The following UGT2B15 variants were observed in gnomAD, a reference collection of about 807,000 sequenced individuals.
The protein encoded by UGT2B15 is UDP-glucuronosyltransferase 2B15.
Under a neutral mutation model 45.9 loss-of-function variants are expected in UGT2B15, and 36 were observed. The ratio of observed to expected loss-of-function variants is 0.78; its 90% CI spans 0.60 to 1.04. The LOEUF (loss-of-function observed/expected upper bound fraction) is 1.04. Ranked by LOEUF, UGT2B15 falls within the 50% of genes least tolerant of loss-of-function variation. The pLI, the probability that UGT2B15 is intolerant of heterozygous loss-of-function variation, is 0.00. For missense variants in UGT2B15, 617 were observed against 622.4 expected, an observed-to-expected ratio of 0.99 and a Z score of 0.09; for synonymous variants, 219 against 216.4, an observed-to-expected ratio of 1.01 and a Z score of -0.11.
Position 68,668,152 on chromosome 4 carries a change from G to C in UGT2B15, c.761C>G (p.Ala254Gly). 1.2e-6 allele frequency: 2 copies of C among 1,613,560 alleles called. No individual in the cohort carries two copies. Among genetic ancestry groups the C allele is most frequent in the Non-Finnish European group, 8.5e-7 (1 of 1,179,666 alleles). The change falls in exon 2 of 6, where the codon GCT becomes GGT. Residue 254 changes from alanine to glycine, a missense_variant. Ala to Gly is a moderately conservative substitution (Grantham distance 60). Around this residue, in one of 3 missense-constraint regions of UGT2B15, gnomAD observed 351 missense variants for 342.1 expected, o/e 1.03. Coordinates refer to ENST00000338206, the MANE Select transcript of UGT2B15 (RefSeq NM_001076.4). ...ATAGGTTCGAATGAGCCACATTTCA[G>C]CTTTCCCCATTGTCTCAAATAATGT... ...PTTLFETMGK[A>G]EMWLIRTYWD...
rs752026999 is a variant in UGT2B15 at position 68,647,357 on chromosome 4, G to C, written c.1340C>G (p.Ser447Ter). The change falls in exon 6 of 6, where the codon TCA becomes TGA. Residue 447 changes from serine (S) to a stop codon, truncating the protein, a stop_gained. Transcript: ENST00000338206. LOFTEE classifies it low-confidence loss of function (END_TRUNC). ...CATTGGTTGGTCATGATGAATTCTTGATAATTTCATGACATTCTCTTTATA... is the reference window on the plus strand; with the variant it reads ...CATTGGTTGGTCATGATGAATTCTTCATAATTTCATGACATTCTCTTTATA... ...PVYKENVMKL[S>*]RIHHDQPMKP... The C allele has an allele frequency of 6.2e-7, 1 of 1,613,176 alleles. No homozygotes were observed. The highest frequency in any genetic ancestry group is 8.5e-7 in the Non-Finnish European group (1 of 1,179,558).
chr4:68,665,137 T>C (rs1376869925), intron 2 of UGT2B15, among the ~76,000 whole-genome samples: 2 of 152,188 alleles, frequency 1.3e-5, no homozygotes, highest in African/African-American at 2.4e-5. Context: ...TTTATAAAAG[T>C]ATGAAAATTT....
chr4:68,654,947 G>T, intron 4 of UGT2B15, 148 bp downstream of exon 4: 1 of 1,001,454 alleles, frequency 1.0e-6, no homozygotes, highest in Non-Finnish European at 1.5e-6. Flanking sequence ...TTTATACTAA[G>T]ACTGGAAAAT....
intron 5 of UGT2B15, among the ~76,000 whole-genome samples, chr4:68,652,873 C>T (rs1461581934): frequency 2.0e-5 from 3 of 151,782 alleles, no homozygotes; most frequent in Non-Finnish European, 2.9e-5. Context: ...AGAAATTTAT[C>T]TAAGGAAGAT....
rs1333296072 is a variant in UGT2B15 at position 68,668,185 on chromosome 4, C to G, written c.728G>C (p.Arg243Thr). ...WDQFYSEVLG[R>T]PTTLFETMGK... ...CATTGTCTCAAATAATGTAGTGGGT[C>G]TTCCTGATGGAAAAAAACAAAACAA... is the stretch of plus-strand genomic sequence containing the variant. Residue 243 changes from arginine to threonine, a missense_variant, in exon 2 of 6, where the codon AGA becomes ACA. This residue lies in a region of UGT2B15 where 351 missense variants were observed against 342.1 expected (regional missense o/e 1.03). Coordinates refer to ENST00000338206, the MANE Select transcript of UGT2B15 (RefSeq NM_001076.4). The G allele has an allele frequency of 6.2e-7, 1 of 1,606,606 alleles. No homozygotes were observed. Among genetic ancestry groups the G allele is most frequent in the Admixed American group, 1.7e-5 (1 of 58,240 alleles).
chr4:68,651,174 T>G (rs895846078), intron 5 of UGT2B15, among the ~76,000 whole-genome samples: 2 of 152,064 alleles, frequency 1.3e-5, no homozygotes, highest in Admixed American at 6.6e-5. Context: ...CATTTGTCAA[T>G]TTTGGCTTTT....
At chr4:68,650,386 G>A (rs947670867) in intron 5 of UGT2B15, among the ~76,000 whole-genome samples, 4 of 151,924 alleles carry the variant, frequency 2.6e-5, no homozygotes, top group Non-Finnish European at 4.4e-5. Context: ...TCTTATAAGT[G>A]AGAACATGTG....
At chr4:68,648,713 C>T (rs1377410093) in intron 5 of UGT2B15, among the ~76,000 whole-genome samples, 2 of 152,070 alleles carry the variant, frequency 1.3e-5, no homozygotes, top group Non-Finnish European at 2.9e-5. Context: ...ACTCTCTCCT[C>T]CTGGGCCATT....
intron 5 of UGT2B15, among the ~76,000 whole-genome samples, chr4:68,651,640 C>A (rs983912877): frequency 2.6e-5 from 4 of 152,034 alleles, no homozygotes; most frequent in Non-Finnish European, 4.4e-5. Context: ...ATCCTTTCCC[C>A]AGTTGCTTGT....
intron 2 of UGT2B15, among the ~76,000 whole-genome samples, chr4:68,666,614 T>A (rs1244211486): frequency 1.3e-5 from 2 of 151,934 alleles, no homozygotes; most frequent in African/African-American, 4.8e-5. Context: ...CTTTTTGCAA[T>A]ATTATACATT....
chr4:68,654,859 T>C (rs1051247151), intron 4 of UGT2B15, among the ~76,000 whole-genome samples: 2 of 152,052 alleles, frequency 1.3e-5, no homozygotes, highest in African/African-American at 4.8e-5. Context: ...AAATTACACC[T>C]GAACAAAGAG....
intron 2 of UGT2B15, among the ~76,000 whole-genome samples, chr4:68,667,747 C>T (rs965926293): frequency 2.0e-5 from 3 of 152,160 alleles, no homozygotes; most frequent in Admixed American, 1.3e-4. Context: ...GTATTAATCA[C>T]TCTACAAATA....
intron 5 of UGT2B15, among the ~76,000 whole-genome samples, chr4:68,651,942 G>GAA (rs1732668147): frequency 2.0e-5 from 3 of 151,974 alleles, no homozygotes; most frequent in Non-Finnish European, 4.4e-5. Flanking sequence ...GAATAGCTTT[G>GAA]AATATATAAA....
Position 68,670,379 on chromosome 4 carries a change from A to G in UGT2B15, c.240T>C (p.Ser80=), listed in dbSNP as rs1214538252. The G allele has an allele frequency of 6.2e-7, 1 of 1,613,356 alleles. No individual in the cohort carries two copies. The highest frequency in any genetic ancestry group is 8.5e-7 in the Non-Finnish European group (1 of 1,179,900). ...SAIKLEVYPT[S]LTKNYLEDSL... ...AATCTTCCAAATAATTTTTAGTTAAAGATGTAGGATAAACTTCTAATTTAA... is the reference window on the plus strand; with the variant it reads ...AATCTTCCAAATAATTTTTAGTTAAGGATGTAGGATAAACTTCTAATTTAA... Residue 80 remains serine, a synonymous_variant, in exon 1 of 6, where the codon TCT becomes TCC. Coordinates refer to ENST00000338206, the MANE Select transcript of UGT2B15 (RefSeq NM_001076.4).
intron 5 of UGT2B15, among the ~76,000 whole-genome samples, chr4:68,648,235 GTCTAGAGAAC>G (rs1227177677): frequency 6.6e-6 from 1 of 151,906 alleles, no homozygotes; most frequent in Non-Finnish European, 1.5e-5. Context: ...TCTGTCTTTG[GTCTAGAGAAC>G]TCTACACAGG....
At chr4:68,654,915 C>G (rs1732759429) in intron 4 of UGT2B15, among the ~76,000 whole-genome samples, 180 bp downstream of exon 4, 1 of 151,980 alleles carries the variant, frequency 6.6e-6, no homozygotes, top group African/African-American at 2.4e-5. Flanking sequence ...TAATAAAATG[C>G]CAACTACTAT....
At chr4:68,669,794 C>T in intron 1 of UGT2B15, 101 bp downstream of exon 1, 2 of 1,452,674 alleles carry the variant, frequency 1.4e-6, no homozygotes, top group South Asian at 1.4e-5. Context: ...TCATAATTTC[C>T]CTTAAAAACA....
intron 3 of UGT2B15, among the ~76,000 whole-genome samples, chr4:68,658,122 G>T (rs1342830703): frequency 2.6e-5 from 4 of 151,970 alleles, no homozygotes; most frequent in Non-Finnish European, 4.4e-5. Flanking sequence ...AGGTTATCAA[G>T]AATTTGGAAG....
chr4:68,647,040 C>T lies in UGT2B15; in HGVS notation c.*64G>A. The T allele has an allele frequency of 6.5e-7, 1 of 1,547,626 alleles. No homozygotes were observed. The highest frequency in any genetic ancestry group is 8.7e-7 in the Non-Finnish European group (1 of 1,147,310). On this transcript the variant is annotated 3_prime_UTR_variant, in exon 6 of 6. Coordinates refer to ENST00000338206, the MANE Select transcript of UGT2B15 (RefSeq NM_001076.4). ...AAAAGGAAATCCTCCATTTAAAACC[C>T]TCCATGCTGAAATAAAGGAGGAGTC...
Sources: allele counts gnomAD v4.1 joint callset (sites outside exome capture counted in the v4.1 genomes callset), GRCh38; gene constraint gnomAD v4.1.1; regional missense constraint gnomAD v4.1.1; transcripts MANE v1.5; gene names NCBI Gene and HGNC (gene_info 2026-07-23, HGNC 2026-07-21).